The following PCDH15 variants were observed in gnomAD, a reference collection of about 807,000 sequenced individuals.
The protein encoded by PCDH15 is protocadherin related 15, also known as protocadherin-15.
PCDH15 carries 129 observed loss-of-function variants against 178.5 expected under a neutral mutation model. The observed-to-expected ratio is 0.72, with a 90% CI of 0.63 to 0.84. The LOEUF (loss-of-function observed/expected upper bound fraction) is 0.84. PCDH15 is among the 40% of genes least tolerant of loss of function. The probability of loss-of-function intolerance (pLI) is 0.00; values close to 1 mark genes in which losing one functional copy is unlikely to be tolerated. For missense variants in PCDH15, 2,230 were observed against 2,099.9 expected, an observed-to-expected ratio of 1.06 and a Z score of -1.21; for synonymous variants, 800 against 732.0, an observed-to-expected ratio of 1.09 and a Z score of -1.50.
At chr10:54,457,821 A>T (rs1441883966) in intron 3 of PCDH15, among the ~76,000 whole-genome samples, 1 of 152,224 alleles carries the variant, frequency 6.6e-6, no homozygotes, top group African/African-American at 2.4e-5. Flanking sequence ...GTTCTCAAAC[A>T]GTCTACAATA....
intron 2 of PCDH15, among the ~76,000 whole-genome samples, chr10:55,517,652 T>G (rs569888080): frequency 6.6e-6 from 1 of 152,242 alleles, no homozygotes; most frequent in South Asian, 2.1e-4. Context: ...TTTTGAGAAT[T>G]TACCTCATAG....
intron 23 of PCDH15, among the ~76,000 whole-genome samples, chr10:53,958,306 C>G (rs1448043896): frequency 2.0e-5 from 3 of 152,110 alleles, no homozygotes; most frequent in Non-Finnish European, 2.9e-5. Flanking sequence ...TCCCACACCC[C>G]TTATTTATAT....
chr10:54,115,248 A>G (rs2095093491), intron 15 of PCDH15, among the ~76,000 whole-genome samples: 1 of 152,214 alleles, frequency 6.6e-6, no homozygotes, highest in Non-Finnish European at 1.5e-5. Flanking sequence ...GTTTTGGCCC[A>G]AGAATTTGGA....
chr10:54,393,335 T>G (rs1013246204), intron 3 of PCDH15, among the ~76,000 whole-genome samples: 2 of 152,182 alleles, frequency 1.3e-5, no homozygotes, highest in Admixed American at 6.5e-5. Context: ...AAGTTTTCTT[T>G]CTCAAGAAGG....
At chr10:53,956,532 C>T (rs2134237818) in intron 23 of PCDH15, among the ~76,000 whole-genome samples, 1 of 152,110 alleles carries the variant, frequency 6.6e-6, no homozygotes, top group Non-Finnish European at 1.5e-5. Flanking sequence ...ATTTATTTTT[C>T]AAATTTTCTG....
chr10:54,275,164 T>C (rs942562599), intron 8 of PCDH15, among the ~76,000 whole-genome samples: 1 of 151,436 alleles, frequency 6.6e-6, no homozygotes, highest in African/African-American at 2.4e-5. Context: ...AAGTACAAGT[T>C]GTCAGTGACC....
At chr10:54,306,568 T>C (rs1315597881) in intron 8 of PCDH15, among the ~76,000 whole-genome samples, 1 of 152,026 alleles carries the variant, frequency 6.6e-6, no homozygotes, top group Non-Finnish European at 1.5e-5. Context: ...AGCCAACCGA[T>C]ATCATAGATC....
intron 33 of PCDH15, among the ~76,000 whole-genome samples, chr10:53,819,246 CTTTA>C (rs1275352812): frequency 6.6e-6 from 1 of 151,908 alleles, no homozygotes; most frequent in Non-Finnish European, 1.5e-5. Flanking sequence ...CAAAGCCAGG[CTTTA>C]TTTTTTAGAC....
At chr10:55,621,086 T>G (rs1360695185) in intron 2 of PCDH15, among the ~76,000 whole-genome samples, 2 of 152,010 alleles carry the variant, frequency 1.3e-5, no homozygotes, top group Admixed American at 1.3e-4. Flanking sequence ...TTCATCAAAT[T>G]ATTAATCACA....
chr10:55,198,438 C>T lies in PCDH15; in HGVS notation c.-155-31787G>A, dbSNP rs1840153041. On this transcript the variant is annotated intron_variant, in intron 1 of 5. Transcript: ENST00000458638. ...CTTTAAAAGTGCTGTTTTAAAAGTG[C>T]TCATGAGATCTGGTGTTTAAAAGCT... 2.0e-5 allele frequency among the ~76,000 whole-genome samples: 3 copies of T among 152,002 alleles called. No individual in the cohort carries two copies. In the South Asian group the frequency reaches 6.2e-4, roughly 32 times the overall value.
intron 9 of PCDH15, among the ~76,000 whole-genome samples, chr10:54,223,976 G>A (rs890785046): frequency 1.3e-5 from 2 of 152,032 alleles, no homozygotes; most frequent in African/African-American, 2.4e-5. Context: ...TGTTTTTAAT[G>A]CTTCATACAT....
intron 25 of PCDH15, among the ~76,000 whole-genome samples, chr10:53,928,103 G>T (rs2084729541): frequency 6.6e-6 from 1 of 152,038 alleles, no homozygotes; most frequent in African/African-American, 2.4e-5. Context: ...CATAGGATAT[G>T]CCCAGTAGAA....
chr10:55,095,906 T>C (rs753661405), intron 2 of PCDH15, among the ~76,000 whole-genome samples: 8 of 152,092 alleles, frequency 5.3e-5, no homozygotes, highest in Non-Finnish European at 1.0e-4. Context: ...AAGTGATTAA[T>C]TGAAAAATCA....
intron 2 of PCDH15, among the ~76,000 whole-genome samples, chr10:55,069,433 C>G (rs1841663247): frequency 8.7e-6 from 1 of 115,494 alleles, no homozygotes; most frequent in Non-Finnish European, 1.7e-5. Context: ...CCCCCTCCCC[C>G]CACCCCACAA....
chr10:55,589,478 T>C (rs984158180), intron 2 of PCDH15, among the ~76,000 whole-genome samples: 13 of 151,888 alleles, frequency 8.6e-5, no homozygotes, highest in Admixed American at 3.9e-4. Flanking sequence ...CTAATTAAAC[T>C]AAAGAGCTTC....
At chr10:54,459,204 T>A (rs1274198731) in intron 3 of PCDH15, among the ~76,000 whole-genome samples, 2 of 152,116 alleles carry the variant, frequency 1.3e-5, no homozygotes, top group African/African-American at 4.8e-5. Context: ...TCCCACCTTG[T>A]ACCCTGAGTT....
intron 2 of PCDH15, among the ~76,000 whole-genome samples, chr10:55,078,513 C>CTTT (rs911017097): frequency 2.0e-5 from 3 of 151,888 alleles, no homozygotes; most frequent in African/African-American, 7.3e-5. Context: ...CTTTTTTATT[C>CTTT]TTTTTTCTTT....
At chr10:55,433,439 G>C (rs1412601988) in intron 2 of PCDH15, among the ~76,000 whole-genome samples, 1 of 152,128 alleles carries the variant, frequency 6.6e-6, no homozygotes, top group Admixed American at 6.5e-5. Flanking sequence ...CATGAGAGGA[G>C]GGAGAGCATC....
chr10:54,979,668 CAAAAAAAAA>C (rs57794335), intron 2 of PCDH15, among the ~76,000 whole-genome samples: 1 of 108,648 alleles, frequency 9.2e-6, no homozygotes, highest in Non-Finnish European at 2.0e-5. Context: ...GACTGTGTCT[CAAAAAAAAA>C]AAAAAAAAAC....
Sources: gnomAD v4.1 joint callset for allele counts (sites outside exome capture counted in the v4.1 genomes callset) on GRCh38, gnomAD v4.1.1 for gene constraint, MANE v1.5 for transcripts, NCBI Gene and HGNC (gene_info 2026-07-23, HGNC 2026-07-21) for gene names.